NOSIP: variants seen among roughly 807,000 people sequenced by gnomAD.
The protein encoded by NOSIP is nitric oxide synthase interacting protein.
Under a neutral mutation model 36.4 loss-of-function variants are expected in NOSIP, and 25 were observed. That is an observed-to-expected ratio of 0.69 (90% CI 0.50 to 0.96). NOSIP has a LOEUF of 0.96. Among genes scored for constraint, NOSIP ranks in the 40% least tolerant of loss-of-function variants. The pLI is 0.00. For missense variants in NOSIP, 370 were observed against 429.0 expected (o/e 0.86, Z 1.21); for synonymous variants, 187 against 179.2 (o/e 1.04, Z -0.35).
intron 8 of NOSIP, 132 bp downstream of exon 8, chr19:49,556,185 G>C (rs1429334443): frequency 4.5e-6 from 2 of 449,228 alleles, no homozygotes; most frequent in Non-Finnish European, 7.9e-6. Context: ...GGGGGGGGCG[G>C]CCTTACAGAG....
At position 49,556,629 on chromosome 19, in the gene NOSIP, G is replaced by C; in HGVS notation, c.645C>G (p.Ile215Met). ...CACACACGTAGCGCTCGCTGCGGGT[G>C]ATGAGCCCCACGCGGTCCACGGAGC... ...LDSSVDRVGL[I>M]TRSERYVCAV... Residue 215 changes from isoleucine (I) to methionine (M), a missense_variant, in exon 7 of 9, where the codon ATC (isoleucine) becomes ATG (methionine). Coordinates refer to ENST00000596358, the MANE Select transcript of NOSIP (RefSeq NM_001270960.2). 1 of 1,609,564 alleles carries C rather than the reference G, an allele frequency of 6.2e-7. No individual in the cohort carries two copies. Among genetic ancestry groups the C allele is most frequent in the African/African-American group, 1.3e-5 (1 of 75,046 alleles).
chr19:49,566,806 T>TATATATACAC (rs751475250), intron 1 of NOSIP: 2 of 149,874 alleles, frequency 1.3e-5, no homozygotes, highest in African/African-American at 5.0e-5. Flanking sequence ...TATATATATA[T>TATATATACAC]ACACACATAC....
chr19:49,575,461 G>T (rs1024866307), intron 1 of NOSIP, among the ~76,000 whole-genome samples: 4 of 152,162 alleles, frequency 2.6e-5, no homozygotes, highest in Non-Finnish European at 5.9e-5. Flanking sequence ...GCCTGAGCCT[G>T]AATGAATTTC....
Position 49,557,194 on chromosome 19 carries a change from G to C in NOSIP, c.314C>G (p.Ala105Gly), listed in dbSNP as rs1011408552. The C allele has an allele frequency of 6.2e-7, 1 of 1,604,808 alleles. No individual in the cohort carries two copies. Among genetic ancestry groups the C allele is most frequent in the Non-Finnish European group, 8.5e-7 (1 of 1,176,226 alleles). The change falls in exon 5 of 9, where the codon GCG becomes GGG. Residue 105 changes from alanine (A) to glycine (G), a missense_variant. Transcript: ENST00000596358. Reference protein sequence around the residue: ...RREEQKELQRAASQDHVRGFL... With the variant: ...RREEQKELQRGASQDHVRGFL... ...GCCCCGCACATGGTCCTGCGAGGCC[G>C]CCCGCTGAAGCTCCTTCTGCTCCTC...
Position 49,556,625 on chromosome 19 carries a change from G to A in NOSIP, c.649C>T (p.Arg217Cys), listed in dbSNP as rs767271460. 4 of 1,609,042 alleles carry A rather than the reference G, an allele frequency of 2.5e-6. No individual in the cohort carries two copies. The South Asian group carries it at 3.3e-5, about 13-fold the overall frequency. Reference protein sequence around the residue: ...SSVDRVGLITRSERYVCAVTR... With the variant: ...SSVDRVGLITCSERYVCAVTR... ...ACGGCACACACGTAGCGCTCGCTGC[G>A]GGTGATGAGCCCCACGCGGTCCACG... The change falls in exon 7 of 9, where the codon CGC (arginine) becomes TGC (cysteine). Residue 217 changes from arginine (R) to cysteine (C), a missense_variant. Transcript: ENST00000596358.
chr19:49,566,187 T>G (rs1034822130), intron 1 of NOSIP, among the ~76,000 whole-genome samples: 2 of 152,124 alleles, frequency 1.3e-5, no homozygotes, highest in Non-Finnish European at 2.9e-5. Flanking sequence ...GCCTGGCTAA[T>G]TTTTTGTATT....
chr19:49,574,243 G>C (rs2080523226), intron 1 of NOSIP, among the ~76,000 whole-genome samples: 1 of 152,132 alleles, frequency 6.6e-6, no homozygotes, highest in African/African-American at 2.4e-5. Context: ...ACCAGCCTCA[G>C]GGGGGCTTTT....
At chr19:49,561,974 A>C (rs1360867168) in intron 1 of NOSIP, among the ~76,000 whole-genome samples, 1 of 151,064 alleles carries the variant, frequency 6.6e-6, no homozygotes, top group Non-Finnish European at 1.5e-5. Flanking sequence ...TTTAACTTTT[A>C]CTTTTTGAGT....
At chr19:49,564,453 C>CAAA (rs1011453088) in intron 1 of NOSIP, among the ~76,000 whole-genome samples, 31 of 42,470 alleles carry the variant, frequency 7.3e-4, no homozygotes, top group Non-Finnish European at 9.8e-4. Context: ...GACTCCATCT[C>CAAA]AAAAAAAAAA....
chr19:49,556,134 C>CGGGG lies in NOSIP; in HGVS notation c.834+182_834+183insCCCC, dbSNP rs199673125. On this transcript the variant is annotated intron_variant, in intron 8 of 8. Transcript: ENST00000596358. Reference sequence around the variant, plus strand: ...AAGGAGGAGGCGGGGCCTAGGAGAGCGGAGGGGGGGAAGGGCGGGGCCTTG... The same window carrying CGGGG: ...AAGGAGGAGGCGGGGCCTAGGAGAGCGGGGGGAGGGGGGGAAGGGCGGGGCCTTG... 5.8e-4 allele frequency among the ~76,000 whole-genome samples: 31 copies of CGGGG among 53,562 alleles called. 1 individual carries two copies. The highest frequency in any genetic ancestry group is 5.4e-3 in the South Asian group (6 of 1,104). The allele number at this position is 53,562 out of a possible 152,430, so 35.1% of individuals were successfully genotyped here.
At chr19:49,574,259 T>G (rs942443974) in intron 1 of NOSIP, among the ~76,000 whole-genome samples, 5 of 152,162 alleles carry the variant, frequency 3.3e-5, no homozygotes, top group Non-Finnish European at 7.4e-5. Context: ...CTTTTCAGAA[T>G]GGAAGTTTGA....
chr19:49,560,436 A>T lies in NOSIP; in HGVS notation c.70+186T>A. 1.6e-6 allele frequency: 1 copy of T among 613,286 alleles called. No individual in the cohort carries two copies. The highest frequency in any genetic ancestry group is 2.9e-6 in the Non-Finnish European group (1 of 339,620). The allele number at this position is 613,286 out of a possible 1,614,324, so 38.0% of individuals were successfully genotyped here. On this transcript the variant is annotated intron_variant, in intron 2 of 8. Transcript: ENST00000596358. This position sits in a 1 kb window ranked among gnomAD's most constrained non-coding sequence, Gnocchi z 4.6. ...GAGTGAGTTCATGCGCAGAAGGCAG[A>T]GAACACAGTGCCGGGCCACATGGGG...
chr19:49,570,365 C>T (rs759670667), intron 1 of NOSIP, among the ~76,000 whole-genome samples: 6 of 152,074 alleles, frequency 3.9e-5, no homozygotes, highest in Non-Finnish European at 7.4e-5. Context: ...AGCTATGGAG[C>T]TCTCTCTCCC....
At position 49,559,214 on chromosome 19, in the gene NOSIP, A is replaced by G. The variant is rs188502013; in HGVS notation, c.177-236T>C. The G allele has an allele frequency of 1.2e-4, 63 of 510,370 alleles. No homozygotes were observed. In the East Asian group the frequency reaches 1.6e-3, roughly 13 times the overall value. 31.6% of individuals were successfully genotyped at this position (510,370 alleles called of 1,614,324 possible). A position where few individuals can be genotyped will look rare whatever the true frequency, so the allele number is the denominator to read the frequency against. ...CATGGGGCAGAATCTAGTAGAGACT[A>G]GATTTGAGCTTCCAGCTGTCCTCTC... is the stretch of plus-strand genomic sequence containing the variant. On this transcript the variant is annotated intron_variant, in intron 3 of 8. Coordinates refer to ENST00000596358, the MANE Select transcript of NOSIP (RefSeq NM_001270960.2).
chr19:49,556,798 G>A (rs2080255184), intron 6 of NOSIP, 62 bp from the exon 7 acceptor site: 2 of 1,593,868 alleles, frequency 1.3e-6, no homozygotes, highest in Non-Finnish European at 1.7e-6. Context: ...AGAGCGCGTG[G>A]TCCCTGTGCG....
Position 49,578,652 on chromosome 19 carries a change from C to CTT in NOSIP, c.-2+1861_-2+1862dup, listed in dbSNP as rs771109884. ...GACACCTTGTCTCTATCTATTTTTT[C>CTT]TTTTTTTTTTTTGAGACAGAGTCTC... On this transcript the variant is annotated intron_variant, in intron 1 of 8. Coordinates refer to ENST00000596358, the MANE Select transcript of NOSIP (RefSeq NM_001270960.2). 2.8e-4 allele frequency among the ~76,000 whole-genome samples: 40 copies of CTT among 144,858 alleles called. No homozygotes were observed. The South Asian group carries it at 7.4e-3, about 27-fold the overall frequency.
intron 4 of NOSIP, 85 bp downstream of exon 4, chr19:49,558,796 GCAGAGGGAACTGAGAT>G: frequency 1.1e-6 from 1 of 951,162 alleles, no homozygotes; most frequent in Non-Finnish European, 1.7e-6. Context: ...GGTGTACCAG[GCAGAGGGAACTGAGAT>G]CAGAGGGCTC....
intron 1 of NOSIP, among the ~76,000 whole-genome samples, chr19:49,567,474 G>A (rs2080426838): frequency 6.6e-6 from 1 of 151,938 alleles, no homozygotes; most frequent in Non-Finnish European, 1.5e-5. Context: ...GACTGCACAG[G>A]TCTATATACC....
At chr19:49,576,359 G>C (rs1053854840) in intron 1 of NOSIP, among the ~76,000 whole-genome samples, 1 of 151,616 alleles carries the variant, frequency 6.6e-6, no homozygotes, top group African/African-American at 2.4e-5. Context: ...CATGGTTTTT[G>C]AGACCAGACT....
Sources: gnomAD v4.1 joint callset for allele counts (sites outside exome capture counted in the v4.1 genomes callset) on GRCh38, gnomAD v4.1.1 for gene constraint, Gnocchi (gnomAD v3.1) non-coding constraint, MANE v1.5 for transcripts, NCBI Gene and HGNC (gene_info 2026-07-23, HGNC 2026-07-21) for gene names.